The following WDR76 variants were observed in gnomAD, a reference collection of about 807,000 sequenced individuals.
The protein encoded by WDR76 is WD repeat-containing protein 76.
A neutral mutation model predicts 70.2 loss-of-function variants in WDR76; 52 were observed. The ratio of observed to expected loss-of-function variants is 0.74; its 90% CI spans 0.59 to 0.93. WDR76 has a LOEUF of 0.93. WDR76 is among the 40% of genes least tolerant of loss of function. WDR76 has a pLI of 0.00. For missense variants in WDR76, 756 were observed against 760.2 expected, an observed-to-expected ratio of 0.99 and a Z score of 0.07; for synonymous variants, 292 against 271.1, an observed-to-expected ratio of 1.08 and a Z score of -0.76.
chr15:43,858,468 A>G (rs2087957957), intron 10 of WDR76: 3 of 527,256 alleles, frequency 5.7e-6, no homozygotes, highest in Admixed American at 7.6e-5. Flanking sequence ...CTGGTTTCGA[A>G]CTCCTGATCT....
chr15:43,848,930 CTT>C (rs534839516), intron 8 of WDR76, among the ~76,000 whole-genome samples: 39 of 127,072 alleles, frequency 3.1e-4, no homozygotes, highest in Admixed American at 4.8e-4. Context: ...AGAGTTGAGA[CTT>C]TTTTTTTTTT....
intron 8 of WDR76, 130 bp downstream of exon 8, chr15:43,844,184 G>A (rs1446090201): frequency 5.2e-6 from 4 of 770,628 alleles, no homozygotes; most frequent in Admixed American, 3.6e-5. Context: ...GATGCTTTAT[G>A]ATTCCAAATT....
chr15:43,841,487 C>T (rs2087725331), intron 5 of WDR76, among the ~76,000 whole-genome samples: 1 of 152,064 alleles, frequency 6.6e-6, no homozygotes, highest in Non-Finnish European at 1.5e-5. Context: ...AGCCACCGCA[C>T]CCGGCCCACG....
chr15:43,864,741 G>A (rs2088048331), intron 12 of WDR76, among the ~76,000 whole-genome samples: 1 of 150,876 alleles, frequency 6.6e-6, no homozygotes, highest in Admixed American at 6.6e-5. Context: ...TTACAGGCAT[G>A]AGCCACAATG....
chr15:43,856,960 A>G lies in WDR76; in HGVS notation c.1206A>G (p.Glu402=), dbSNP rs771576796. Residue 402 remains glutamate, a synonymous_variant, in exon 10 of 13, where the codon GAA becomes GAG. Transcript: ENST00000263795. ...TATATTCTTAGGTGTATAGAAATGA[A>G]AGAAGTAGCTTTTCCTCCTTCGACT... The part of the protein sequence containing the change: ...RAIFEEVYRN[E]RSSFSSFDFL... The G allele has an allele frequency of 1.2e-5, 19 of 1,613,702 alleles. No homozygotes were observed. The highest frequency in any genetic ancestry group is 1.2e-5 in the Non-Finnish European group (14 of 1,179,838).
intron 4 of WDR76, among the ~76,000 whole-genome samples, chr15:43,838,789 C>G (rs922981658): frequency 7.2e-5 from 11 of 152,030 alleles, no homozygotes; most frequent in Non-Finnish European, 1.6e-4. Flanking sequence ...TCTTAAGTCT[C>G]TTAGTGCTTA....
At chr15:43,835,615 A>G (rs1009547677) in intron 3 of WDR76, among the ~76,000 whole-genome samples, 1 of 151,826 alleles carries the variant, frequency 6.6e-6, no homozygotes, top group Non-Finnish European at 1.5e-5. Context: ...CTTAATAGGA[A>G]GAGGTTACTG....
chr15:43,864,316 T>C (rs915207424), intron 12 of WDR76, among the ~76,000 whole-genome samples: 3 of 152,206 alleles, frequency 2.0e-5, no homozygotes, highest in African/African-American at 7.2e-5. Context: ...TGTTACTTTT[T>C]TGAGGAACCT....
chr15:43,858,710 G>C lies in WDR76; in HGVS notation c.1449G>C (p.Arg483Ser), dbSNP rs1156365634. The change falls in exon 11 of 13, where the codon AGG becomes AGC. Residue 483 changes from arginine to serine, a missense_variant. Physicochemically the swap from Arg to Ser is moderately radical, Grantham distance 110. Coordinates refer to ENST00000263795, the MANE Select transcript of WDR76 (RefSeq NM_024908.4). ...ATGATGCAAGGCGATTGAATTCCAGGAGAAGTCAGCCTTTGATTTCTTTGA... is the reference window on the plus strand; with the variant it reads ...ATGATGCAAGGCGATTGAATTCCAGCAGAAGTCAGCCTTTGATTTCTTTGA... ...HIYDARRLNS[R>S]RSQPLISLTE... 3 of 1,614,086 alleles carry C rather than the reference G, an allele frequency of 1.9e-6. No individual in the cohort carries two copies. Among genetic ancestry groups the C allele is most frequent in the Non-Finnish European group, 2.5e-6 (3 of 1,180,016 alleles).
intron 9 of WDR76, 122 bp downstream of exon 9, chr15:43,851,367 G>A (rs2087857939): frequency 7.5e-6 from 10 of 1,336,730 alleles, no homozygotes; most frequent in East Asian, 2.4e-5. Flanking sequence ...TGAGAACTAC[G>A]CTGCCTAAGT....
At chr15:43,854,993 C>T (rs997861168) in intron 9 of WDR76, among the ~76,000 whole-genome samples, 14 of 151,670 alleles carry the variant, frequency 9.2e-5, no homozygotes, top group African/African-American at 2.9e-4. Flanking sequence ...CTCAAGATTA[C>T]GTCATGACCT....
chr15:43,861,161 C>T (rs1435467894), intron 11 of WDR76, among the ~76,000 whole-genome samples, 172 bp from the exon 12 acceptor site: 1 of 152,108 alleles, frequency 6.6e-6, no homozygotes, highest in East Asian at 1.9e-4. Context: ...TCAGGTGATC[C>T]TCCTGTGGAT....
chr15:43,829,092 G>T (rs1320327513), intron 2 of WDR76, among the ~76,000 whole-genome samples: 2 of 151,736 alleles, frequency 1.3e-5, no homozygotes, highest in African/African-American at 4.8e-5. Context: ...AGTAGAGACG[G>T]GGTTTCACCA....
intron 8 of WDR76, among the ~76,000 whole-genome samples, chr15:43,850,418 C>T (rs1374831598): frequency 1.3e-5 from 2 of 152,004 alleles, no homozygotes; most frequent in African/African-American, 2.4e-5. Context: ...GCCTCAGCCT[C>T]CCGAGTAGAT....
At chr15:43,840,084 C>T (rs1438438208) in intron 5 of WDR76, among the ~76,000 whole-genome samples, 1 of 152,072 alleles carries the variant, frequency 6.6e-6, no homozygotes, top group Non-Finnish European at 1.5e-5. Context: ...GTCTTGAACT[C>T]CTGACCTGAA....
Position 43,850,596 on chromosome 15 carries a change from T to C in WDR76, c.1033-491T>C, listed in dbSNP as rs923415252. ...AGGCGTGAGCCACCGCGCCCGGCCA[T>C]TTTTATGGTGCATTTAGAGGACAAA... On this transcript the variant is annotated intron_variant, in intron 8 of 12. Coordinates refer to ENST00000263795, the MANE Select transcript of WDR76 (RefSeq NM_024908.4). Among the ~76,000 whole-genome samples the C allele has an allele frequency of 2.6e-5, 4 of 152,102 alleles. No homozygotes were observed. The East Asian group carries it at 7.7e-4, about 29-fold the overall frequency.
intron 12 of WDR76, among the ~76,000 whole-genome samples, chr15:43,865,137 C>T (rs571679853): frequency 3.4e-5 from 5 of 147,946 alleles, no homozygotes; most frequent in African/African-American, 1.3e-4. Context: ...ACTCTGTTGC[C>T]CAGGCTGGAA....
At chr15:43,827,830 C>T in intron 1 of WDR76, 135 bp from the exon 2 acceptor site, 1 of 965,194 alleles carries the variant, frequency 1.0e-6, no homozygotes, top group South Asian at 1.8e-5. Context: ...CAGGCGTGAG[C>T]CACTGCACCT....
At chr15:43,835,265 G>A (rs1314903427) in intron 3 of WDR76, 115 bp downstream of exon 3, 25 of 872,940 alleles carry the variant, frequency 2.9e-5, no homozygotes, top group Middle Eastern at 2.3e-4. Context: ...CCAGGAGTTC[G>A]AGATCAGCCT....
Sources: gnomAD v4.1 joint callset for allele counts (sites outside exome capture counted in the v4.1 genomes callset) on GRCh38, gnomAD v4.1.1 for gene constraint, MANE v1.5 for transcripts, NCBI Gene and HGNC (gene_info 2026-07-23, HGNC 2026-07-21) for gene names.